HTR1F: variants seen among roughly 807,000 people sequenced by gnomAD.
HTR1F encodes 5-hydroxytryptamine (serotonin) receptor 1F, G protein-coupled.
HTR1F carries 17 observed loss-of-function variants against 24.0 expected under a neutral mutation model. The observed-to-expected ratio is 0.71, with a 90% confidence interval of 0.48 to 1.06. The LOEUF is 1.06. Ranked by LOEUF, HTR1F falls within the 50% of genes least tolerant of loss-of-function variation. The probability of loss-of-function intolerance (pLI) is 0.00; values close to 1 mark genes in which losing one functional copy is unlikely to be tolerated. For synonymous variants in HTR1F, 186 were observed against 156.8 expected, an observed-to-expected ratio of 1.19 and a Z score of -1.39; for missense variants, 391 against 427.8, an observed-to-expected ratio of 0.91 and a Z score of 0.76.
chr3:87,940,626 A>G (rs1218910271), intron 2 of HTR1F, among the ~76,000 whole-genome samples: 1 of 152,194 alleles, frequency 6.6e-6, no homozygotes, highest in East Asian at 1.9e-4. Context: ...AGGAAAAACT[A>G]CTTTAAATTT....
intron 2 of HTR1F, among the ~76,000 whole-genome samples, chr3:87,896,132 T>G (rs2932275): frequency 0.18 from 27,582 of 152,120 alleles, 4,381 homozygotes; most frequent in African/African-American, 0.43. Context: ...CTCTGAATGC[T>G]GCTGTCTCCC....
intron 2 of HTR1F, among the ~76,000 whole-genome samples, chr3:87,929,447 ATTCAC>A (rs1704206723): frequency 6.6e-6 from 1 of 152,232 alleles, no homozygotes; most frequent in Non-Finnish European, 1.5e-5. Flanking sequence ...ACCTTGAACA[ATTCAC>A]TTAACTTCTC....
chr3:87,922,979 T>C (rs1704043670), intron 2 of HTR1F, among the ~76,000 whole-genome samples: 1 of 151,618 alleles, frequency 6.6e-6, no homozygotes, highest in Non-Finnish European at 1.5e-5. Flanking sequence ...GTTTCATTCT[T>C]CTTCATGTGG....
At chr3:87,825,712 A>G (rs1704449093) in intron 2 of HTR1F, among the ~76,000 whole-genome samples, 1 of 152,174 alleles carries the variant, frequency 6.6e-6, no homozygotes, top group Non-Finnish European at 1.5e-5. Context: ...TCACTTTCCC[A>G]TAAAACCATA....
intron 2 of HTR1F, among the ~76,000 whole-genome samples, chr3:87,914,932 A>G (rs766607129): frequency 6.6e-6 from 1 of 152,132 alleles, no homozygotes; most frequent in Non-Finnish European, 1.5e-5. Context: ...GAACCCTCAC[A>G]GAGTCTATTT....
chr3:87,946,159 G>A (rs1478982522), intron 2 of HTR1F, among the ~76,000 whole-genome samples: 2 of 152,200 alleles, frequency 1.3e-5, no homozygotes, highest in African/African-American at 2.4e-5. Flanking sequence ...GAGCGGCAAT[G>A]GGCGCATCGC....
At chr3:87,841,755 C>T (rs1704809018) in intron 2 of HTR1F, among the ~76,000 whole-genome samples, 1 of 151,294 alleles carries the variant, frequency 6.6e-6, no homozygotes, top group Admixed American at 6.6e-5. Context: ...CAAAAATTAG[C>T]CAGACGTGGT....
At chr3:87,967,929 C>A (rs1216411741) in intron 2 of HTR1F, among the ~76,000 whole-genome samples, 1 of 152,158 alleles carries the variant, frequency 6.6e-6, no homozygotes, top group Non-Finnish European at 1.5e-5. Flanking sequence ...GGGCAACAGG[C>A]AAAGGTTTGA....
At chr3:87,972,246 C>G (rs552438308) in intron 2 of HTR1F, among the ~76,000 whole-genome samples, 1 of 152,162 alleles carries the variant, frequency 6.6e-6, no homozygotes, top group African/African-American at 2.4e-5. Flanking sequence ...AGATTTAGTC[C>G]CATTACCATA....
At chr3:87,929,854 G>C (rs1704218727) in intron 2 of HTR1F, among the ~76,000 whole-genome samples, 1 of 152,136 alleles carries the variant, frequency 6.6e-6, no homozygotes. Context: ...TTGCTAGATT[G>C]ATAGGAGTAG....
chr3:87,837,919 C>A (rs982204230), intron 2 of HTR1F, among the ~76,000 whole-genome samples: 1 of 151,738 alleles, frequency 6.6e-6, no homozygotes, highest in Non-Finnish European at 1.5e-5. Context: ...TGTTTCATTT[C>A]TATTTTCTTA....
chr3:87,968,939 A>G (rs1217855489), intron 2 of HTR1F, among the ~76,000 whole-genome samples: 1 of 152,240 alleles, frequency 6.6e-6, no homozygotes, highest in Admixed American at 6.5e-5. Context: ...GCCATGGCTA[A>G]AAGGGACCAA....
At chr3:87,864,351 A>AT (rs1216981440) in intron 2 of HTR1F, among the ~76,000 whole-genome samples, 8 of 152,204 alleles carry the variant, frequency 5.3e-5, no homozygotes, top group Non-Finnish European at 1.0e-4. Context: ...TTAGCGTGAG[A>AT]TAACACTTCT....
intron 2 of HTR1F, among the ~76,000 whole-genome samples, chr3:87,984,888 TA>T (rs1003848757): frequency 6.6e-6 from 1 of 152,170 alleles, no homozygotes; most frequent in East Asian, 1.9e-4. Flanking sequence ...GAAAAGGCAG[TA>T]AAAAAATTGG....
At chr3:87,912,547 C>A (rs167260) in intron 2 of HTR1F, among the ~76,000 whole-genome samples, 1 of 140,194 alleles carries the variant, frequency 7.1e-6, no homozygotes, top group Non-Finnish European at 1.5e-5. Flanking sequence ...CTATGACATT[C>A]TTCACAGAAC....
At chr3:87,795,421 T>C (rs999547510) in intron 1 of HTR1F, among the ~76,000 whole-genome samples, 1 of 152,226 alleles carries the variant, frequency 6.6e-6, no homozygotes, top group Admixed American at 6.5e-5. Flanking sequence ...AGTACGTTAG[T>C]AATAACTGGG....
chr3:87,869,146 A>G (rs1705490132), intron 2 of HTR1F, among the ~76,000 whole-genome samples: 1 of 152,182 alleles, frequency 6.6e-6, no homozygotes, highest in South Asian at 2.1e-4. Context: ...TTTTCTGCAT[A>G]CAACAACAAA....
intron 2 of HTR1F, among the ~76,000 whole-genome samples, chr3:87,897,275 G>T (rs545228376): frequency 1.3e-5 from 2 of 149,262 alleles, no homozygotes; most frequent in Admixed American, 6.7e-5. Context: ...AAATGGAGAA[G>T]ATTATACCAT....
At chr3:87,917,748 G>A (rs1703927504) in intron 2 of HTR1F, among the ~76,000 whole-genome samples, 1 of 149,718 alleles carries the variant, frequency 6.7e-6, no homozygotes, top group Admixed American at 6.7e-5. Context: ...AAAAAAAAAT[G>A]TCCAGGACCA....
Sources: gnomAD v4.1 joint callset for allele counts (sites outside exome capture counted in the v4.1 genomes callset) on GRCh38, gnomAD v4.1.1 for gene constraint, MANE v1.5 for transcripts, NCBI Gene and HGNC (gene_info 2026-07-23, HGNC 2026-07-21) for gene names.